The following RORA variants were observed in gnomAD, a reference collection of about 807,000 sequenced individuals.
RORA encodes the protein RAR related orphan receptor A.
Under a neutral mutation model 69.5 loss-of-function variants are expected in RORA, and 7 were observed. The ratio of observed to expected loss-of-function variants is 0.10; its 90% CI spans 0.06 to 0.19. The LOEUF is 0.19. Among genes scored for constraint, RORA ranks in the 10% least tolerant of loss-of-function variants. RORA has a pLI of 1.00. For missense variants in RORA, 457 were observed against 663.0 expected (o/e 0.69, Z 3.41); for synonymous variants, 261 against 240.8 (o/e 1.08, Z -0.78).
chr15:61,132,619 G>A (rs947977389), intron 1 of RORA, among the ~76,000 whole-genome samples: 7 of 152,034 alleles, frequency 4.6e-5, no homozygotes, highest in Admixed American at 4.6e-4. Context: ...CAATAACTTA[G>A]GGTTTGTTCT....
At chr15:60,502,975 C>A in intron 7 of RORA, 108 bp from the exon 8 acceptor site, 1 of 803,716 alleles carries the variant, frequency 1.2e-6, no homozygotes, top group South Asian at 1.4e-5. Context: ...TGGTGGGTGT[C>A]GTGTGCAGTT....
chr15:60,880,949 C>A (rs896065695), intron 1 of RORA, among the ~76,000 whole-genome samples: 3 of 152,182 alleles, frequency 2.0e-5, no homozygotes, highest in African/African-American at 7.2e-5. Context: ...CCACCTGACA[C>A]CTCAGCCTCT....
At chr15:61,064,230 C>G (rs1029851039) in intron 1 of RORA, among the ~76,000 whole-genome samples, 1 of 152,194 alleles carries the variant, frequency 6.6e-6, no homozygotes, top group African/African-American at 2.4e-5. Flanking sequence ...GGGAAAGACA[C>G]CAACTCACAT....
intron 1 of RORA, among the ~76,000 whole-genome samples, chr15:61,087,630 A>G (rs1188861605): frequency 6.6e-6 from 1 of 152,266 alleles, no homozygotes; most frequent in East Asian, 1.9e-4. Context: ...TGAGGTCTTG[A>G]GAAGCCATAA....
chr15:60,611,178 A>G (rs1046610410), intron 2 of RORA, among the ~76,000 whole-genome samples: 2 of 152,176 alleles, frequency 1.3e-5, no homozygotes, highest in Non-Finnish European at 2.9e-5. Flanking sequence ...GTATTATTAC[A>G]TAGACAGTGG....
chr15:60,800,905 C>G (rs1044924834), intron 1 of RORA, among the ~76,000 whole-genome samples: 3 of 152,222 alleles, frequency 2.0e-5, no homozygotes, highest in African/African-American at 7.2e-5. Flanking sequence ...CTCTGTCCCT[C>G]TGTGACCCTC....
intron 1 of RORA, among the ~76,000 whole-genome samples, chr15:61,091,538 C>T (rs775306876): frequency 6.6e-6 from 1 of 152,158 alleles, no homozygotes; most frequent in Non-Finnish European, 1.5e-5. Flanking sequence ...CTGTGGGGCT[C>T]CGGCAGAAGA....
At chr15:60,708,516 G>T (rs2071099877) in intron 1 of RORA, among the ~76,000 whole-genome samples, 1 of 152,082 alleles carries the variant, frequency 6.6e-6, no homozygotes, top group East Asian at 1.9e-4. Flanking sequence ...GTCATTTTAT[G>T]CCTGTATGTG....
At chr15:60,677,322 GAAC>G (rs2070568260) in intron 2 of RORA, 1 of 419,592 alleles carries the variant, frequency 2.4e-6, no homozygotes, top group Non-Finnish European at 5.0e-6. Context: ...GCAAGAACAA[GAAC>G]AACAACAACG....
At chr15:60,983,757 C>T (rs536135820) in intron 1 of RORA, among the ~76,000 whole-genome samples, 11 of 152,286 alleles carry the variant, frequency 7.2e-5, no homozygotes, top group Middle Eastern at 3.4e-3. Context: ...ACTAAATAAA[C>T]GAATGAATAC....
chr15:60,636,685 C>G (rs2140664365), intron 2 of RORA, among the ~76,000 whole-genome samples: 1 of 152,194 alleles, frequency 6.6e-6, no homozygotes, highest in Admixed American at 6.5e-5. Flanking sequence ...AAATTTGAAA[C>G]TTAGAAAGAA....
rs113384920 is a variant in RORA, at chr15:60,818,715, T to G, written c.167-140029A>C. 1.3e-4 allele frequency among the ~76,000 whole-genome samples: 20 copies of G among 152,320 alleles called. 1 individual carries two copies. The highest frequency in any genetic ancestry group is 4.8e-4 in the African/African-American group (20 of 41,580). Reference sequence around the variant, plus strand: ...GGATTCTTGCTTTTGCATGAAAGATTAAAAAACAAGGATTTCTATCTTTCA... The same window carrying G: ...GGATTCTTGCTTTTGCATGAAAGATGAAAAAACAAGGATTTCTATCTTTCA... On this transcript the variant is annotated intron_variant, in intron 1 of 10. Transcript: ENST00000335670.
intron 1 of RORA, among the ~76,000 whole-genome samples, chr15:60,744,602 G>A (rs1439649043): frequency 6.6e-6 from 1 of 152,160 alleles, no homozygotes; most frequent in Non-Finnish European, 1.5e-5. Flanking sequence ...ATGGTGCTAT[G>A]TGCCTGCACC....
chr15:60,672,010 C>A (rs2070480775), intron 2 of RORA, among the ~76,000 whole-genome samples: 1 of 152,126 alleles, frequency 6.6e-6, no homozygotes, highest in Non-Finnish European at 1.5e-5. Flanking sequence ...TCTCCTGAGA[C>A]CAAGAGGTTG....
chr15:60,787,164 A>C (rs1246207602), intron 1 of RORA, among the ~76,000 whole-genome samples: 1 of 152,342 alleles, frequency 6.6e-6, no homozygotes, highest in South Asian at 2.1e-4. Context: ...AACTCAAGAG[A>C]AATGCTGGGG....
At chr15:61,215,071 T>G (rs1367687106) in intron 1 of RORA, among the ~76,000 whole-genome samples, 9 of 141,780 alleles carry the variant, frequency 6.3e-5, no homozygotes, top group Non-Finnish European at 1.2e-4. Context: ...TTTAGGTAGA[T>G]ATGGGGTTTC....
At chr15:61,163,265 G>T (rs952178998) in intron 1 of RORA, among the ~76,000 whole-genome samples, 1 of 152,124 alleles carries the variant, frequency 6.6e-6, no homozygotes, top group East Asian at 1.9e-4. Flanking sequence ...AAGGGGTCTG[G>T]GTCCCAGAGC....
chr15:60,683,199 T>C (rs575555328), intron 1 of RORA, among the ~76,000 whole-genome samples: 71 of 152,260 alleles, frequency 4.7e-4, no homozygotes, highest in African/African-American at 1.7e-3. Context: ...TTTGTAGAGA[T>C]GGGGGTCTTG....
intron 1 of RORA, among the ~76,000 whole-genome samples, chr15:60,926,574 T>C (rs1403230377): frequency 3.3e-5 from 5 of 152,242 alleles, no homozygotes; most frequent in African/African-American, 1.2e-4. Flanking sequence ...CTGCAAACTT[T>C]AAAATGTGCA....
Sources: gnomAD v4.1 joint callset for allele counts (sites outside exome capture counted in the v4.1 genomes callset) on GRCh38, gnomAD v4.1.1 for gene constraint, MANE v1.5 for transcripts, NCBI Gene and HGNC (gene_info 2026-07-23, HGNC 2026-07-21) for gene names.